The following MYO9B variants were observed in gnomAD, a reference collection of about 807,000 sequenced individuals.
MYO9B encodes the protein myosin IXB, also known as unconventional myosin-IXb.
Under a neutral mutation model 229.5 loss-of-function variants are expected in MYO9B, and 71 were observed. The observed-to-expected ratio is 0.31, with a 90% CI of 0.26 to 0.38. The LOEUF (loss-of-function observed/expected upper bound fraction) is 0.38, where lower values mean the gene tolerates loss of function less well. Ranked by LOEUF, MYO9B falls within the 10% of genes least tolerant of loss-of-function variation. The probability of loss-of-function intolerance (pLI) is 1.00; values close to 1 mark genes in which losing one functional copy is unlikely to be tolerated. For synonymous variants in MYO9B, 1,185 were observed against 1,235.8 expected, an observed-to-expected ratio of 0.96 and a Z score of 0.86; for missense variants, 2,255 against 2,920.5, an observed-to-expected ratio of 0.77 and a Z score of 5.25.
intron 2 of MYO9B, among the ~76,000 whole-genome samples, chr19:17,106,078 C>A (rs2057790360): frequency 2.0e-5 from 3 of 151,000 alleles, no homozygotes; most frequent in Non-Finnish European, 2.9e-5. Context: ...TCATAACTCA[C>A]CGCAGCCTCG....
At chr19:17,118,773 C>A (rs1842977895) in intron 2 of MYO9B, among the ~76,000 whole-genome samples, 3 of 152,138 alleles carry the variant, frequency 2.0e-5, no homozygotes, top group African/African-American at 7.2e-5. Context: ...AGGCGTGAGC[C>A]ACCATGCCGG....
rs1258350339 is a variant in MYO9B, at chr19:17,181,015, C to T, written c.2308C>T (p.Leu770Phe). 1 of 1,610,932 alleles carries T rather than the reference C, an allele frequency of 6.2e-7. No homozygotes were observed. Among genetic ancestry groups the T allele is most frequent in the South Asian group, 1.1e-5 (1 of 90,252 alleles). ...PRSLLQSLSR[L>F]QKPRAFILKS... is the part of the protein sequence containing the mutation. ...TAGCCTTCTCCAGTCCCTCAGTCGG[C>T]TCCAGAAACCCCGCGCCTTCATCCT... The change falls in exon 15 of 40, where the codon CTC (leucine) becomes TTC (phenylalanine). Residue 770 changes from leucine (L) to phenylalanine (F), a missense_variant. Physicochemically the swap from Leu to Phe is conservative, Grantham distance 22. Coordinates refer to ENST00000682292, the MANE Select transcript of MYO9B (RefSeq NM_004145.4).
chr19:17,116,967 T>C (rs550122331), intron 2 of MYO9B, among the ~76,000 whole-genome samples: 3 of 152,244 alleles, frequency 2.0e-5, no homozygotes, highest in East Asian at 1.9e-4. Context: ...GGAAGTTATA[T>C]TTTGGGGAAT....
intron 13 of MYO9B, among the ~76,000 whole-genome samples, chr19:17,174,352 G>T (rs900050733): frequency 6.6e-6 from 1 of 152,024 alleles, no homozygotes; most frequent in African/African-American, 2.4e-5. Flanking sequence ...TTTTAAGATC[G>T]GTCTGCCAGG....
intron 17 of MYO9B, among the ~76,000 whole-genome samples, chr19:17,185,581 CT>C (rs1167615938): frequency 1.3e-5 from 2 of 151,590 alleles, no homozygotes; most frequent in African/African-American, 2.4e-5. Flanking sequence ...AAAAAAAACA[CT>C]ACATCCGTGG....
intron 37 of MYO9B, 155 bp from the exon 38 acceptor site, chr19:17,210,560 T>C (rs189964613): frequency 4.8e-6 from 6 of 1,244,266 alleles, no homozygotes; most frequent in South Asian, 1.6e-5. Flanking sequence ...ATCGGCCACA[T>C]GACCACCACT....
rs1415331094 is a variant in MYO9B at position 17,101,828 on chromosome 19, T to C, written c.111T>C (p.Thr37=). 4 of 1,608,636 alleles carry C rather than the reference T, an allele frequency of 2.5e-6. No individual in the cohort carries two copies. Among genetic ancestry groups the C allele is most frequent in the Non-Finnish European group, 2.5e-6 (3 of 1,179,148 alleles). The change falls in exon 2 of 40, where the codon ACT becomes ACC. Residue 37 remains threonine (T), a synonymous_variant. Coordinates refer to ENST00000682292, the MANE Select transcript of MYO9B (RefSeq NM_004145.4). This position sits in a 1 kb window ranked among gnomAD's most constrained non-coding sequence, Gnocchi z 4.7. ...TTESQASCRV[T]ATKDSTTSDV... ...AGAGCCAGGCCTCGTGCCGCGTGAC[T>C]GCCACCAAGGACAGCACCACCTCGG... is the stretch of plus-strand genomic sequence containing the variant.
intron 2 of MYO9B, among the ~76,000 whole-genome samples, chr19:17,111,170 C>T (rs528627300): frequency 3.9e-5 from 6 of 152,250 alleles, no homozygotes; most frequent in East Asian, 3.9e-4. Flanking sequence ...GCATTGGGGG[C>T]GTCATCTCAT....
chr19:17,089,040 G>T (rs1470982648), intron 1 of MYO9B, among the ~76,000 whole-genome samples: 15 of 152,070 alleles, frequency 9.9e-5, no homozygotes. Context: ...ACCTGCAGTG[G>T]GCCATCTCTT....
intron 10 of MYO9B, among the ~76,000 whole-genome samples, chr19:17,167,199 A>ATTTTTTTT (rs79129217): frequency 7.4e-6 from 1 of 134,636 alleles, no homozygotes; most frequent in African/African-American, 2.8e-5. Flanking sequence ...AAAGTTTTGG[A>ATTTTTTTT]TTTTTTTTTT....
intron 21 of MYO9B, 132 bp from the exon 22 acceptor site, chr19:17,194,424 C>A: frequency 2.1e-6 from 2 of 972,274 alleles, no homozygotes; most frequent in Non-Finnish European, 3.0e-6. Context: ...TTTCCAGAAG[C>A]ATCTCTCAGG....
At chr19:17,163,220 G>A (rs943877224) in intron 10 of MYO9B, 98 bp downstream of exon 10, 11 of 1,322,018 alleles carry the variant, frequency 8.3e-6, no homozygotes, top group African/African-American at 1.5e-5. Context: ...CAGTTCAGCG[G>A]CGGTAAGTAC....
chr19:17,180,672 T>G, intron 14 of MYO9B: 1 of 395,110 alleles, frequency 2.5e-6, no homozygotes, highest in Non-Finnish European at 4.5e-6. Flanking sequence ...TTGAAAAGGA[T>G]CAATGATCTG....
rs777707195 is a variant in MYO9B at position 17,210,320 on chromosome 19, ATC to A, written c.5749-6_5749-5del. 4 of 1,590,926 alleles carry A rather than the reference ATC, an allele frequency of 2.5e-6. No homozygotes were observed. The South Asian group carries it at 4.6e-5, about 18-fold the overall frequency. On this transcript the variant is annotated splice_polypyrimidine_tract_variant and intron_variant, in intron 36 of 39. Coordinates refer to ENST00000682292, the MANE Select transcript of MYO9B (RefSeq NM_004145.4). ...TGGCCCGTGTGGTCACCCTGTGTTCATCTCTCTCCCAGCCATGGCCTCTCAAA... is the reference window on the plus strand; with the variant it reads ...TGGCCCGTGTGGTCACCCTGTGTTCATCTCTCCCAGCCATGGCCTCTCAAA...
At chr19:17,093,975 C>T (rs1180073029) in intron 1 of MYO9B, among the ~76,000 whole-genome samples, 2 of 151,966 alleles carry the variant, frequency 1.3e-5, no homozygotes, top group African/African-American at 4.8e-5. Context: ...CTCAGCCTCC[C>T]AAAGTGCTAG....
rs112693924 is a variant in MYO9B, at chr19:17,082,499, G to A, written c.-59+6625G>A. 8.6e-4 allele frequency among the ~76,000 whole-genome samples: 131 copies of A among 152,252 alleles called. 2 individuals carry two copies. Among genetic ancestry groups the A allele is most frequent in the African/African-American group, 3.0e-3 (123 of 41,558 alleles). ...GCTCAGAGCATCTCCACGAGGAGGC[G>A]TCTGCCACCTCCTGCATCCCATTCC... On this transcript the variant is annotated intron_variant, in intron 1 of 39. Transcript: ENST00000682292.
At chr19:17,200,049 T>C (rs1412073089) in intron 24 of MYO9B, among the ~76,000 whole-genome samples, 1 of 152,034 alleles carries the variant, frequency 6.6e-6, no homozygotes, top group Non-Finnish European at 1.5e-5. Context: ...TTTTTTGTAT[T>C]TGTAATAGAG....
Position 17,193,425 on chromosome 19 carries a change from C to T in MYO9B, c.3128+363C>T, listed in dbSNP as rs2145451948. ...GGGCATCCACCGGGCACAGAGAAGC[C>T]CCCAGGAGGATATCAGCAGCTCCCG... On this transcript the variant is annotated intron_variant, in intron 21 of 39. Coordinates refer to ENST00000682292, the MANE Select transcript of MYO9B (RefSeq NM_004145.4). The surrounding 1 kb of genome is among the most constrained non-coding windows in gnomAD (Gnocchi z 4.3). 6.6e-6 allele frequency among the ~76,000 whole-genome samples: 1 copy of T among 152,260 alleles called. No individual in the cohort carries two copies. Among genetic ancestry groups the T allele is most frequent in the South Asian group, 2.1e-4 (1 of 4,826 alleles).
rs1168578815 is a variant in MYO9B, at chr19:17,203,156, C to T, written c.4888C>T (p.His1630Tyr). Residue 1630 changes from histidine to tyrosine, a missense_variant, in exon 30 of 40, where the codon CAC (histidine) becomes TAC (tyrosine). This residue lies in a region of MYO9B where 416 missense variants were observed against 605.5 expected (regional missense o/e 0.69). Transcript: ENST00000682292. ...KRKQERAVQE[H>Y]NGHVFASYQV... ...TCCTCTGGCCTCACAGGTCCAGGAG[C>T]ACAACGGGCACGTGTTCGCCAGCTA... The T allele has an allele frequency of 6.4e-7, 1 of 1,570,902 alleles. No individual in the cohort carries two copies. The highest frequency in any genetic ancestry group is 1.2e-5 in the South Asian group (1 of 85,288).
Sources: allele counts gnomAD v4.1 joint callset (sites outside exome capture counted in the v4.1 genomes callset), GRCh38; gene constraint gnomAD v4.1.1; regional missense constraint gnomAD v4.1.1; non-coding constraint Gnocchi (gnomAD v3.1); transcripts MANE v1.5; gene names NCBI Gene and HGNC (gene_info 2026-07-23, HGNC 2026-07-21).